Variants in CHST8 observed in about 807,000 individuals in gnomAD.
The protein encoded by CHST8 is carbohydrate sulfotransferase 8.
In CHST8, 10 loss-of-function variants were observed where a neutral mutation model predicts 15.0. That is an observed-to-expected ratio of 0.67 (90% CI 0.41 to 1.13). The LOEUF is 1.13. Ranked by LOEUF, CHST8 falls within the 50% of genes most tolerant of loss-of-function variation. The pLI is 0.00. For missense variants in CHST8, 634 were observed against 608.2 expected, an observed-to-expected ratio of 1.04 and a Z score of -0.45; for synonymous variants, 259 against 256.6, an observed-to-expected ratio of 1.01 and a Z score of -0.09.
intron 1 of CHST8, among the ~76,000 whole-genome samples, chr19:33,647,479 G>A (rs571461942): frequency 6.6e-6 from 1 of 152,334 alleles, no homozygotes; most frequent in East Asian, 1.9e-4. Context: ...GTATATGATA[G>A]AATGGGAAGA....
At chr19:33,701,824 C>T (rs1366464581) in intron 3 of CHST8, among the ~76,000 whole-genome samples, 1 of 152,186 alleles carries the variant, frequency 6.6e-6, no homozygotes, top group East Asian at 1.9e-4. Context: ...TTATCCTCAA[C>T]TGAAACTTAG....
intron 3 of CHST8, among the ~76,000 whole-genome samples, chr19:33,738,952 G>T (rs1974136530): frequency 6.6e-6 from 1 of 152,120 alleles, no homozygotes. Flanking sequence ...GATGGTGGGT[G>T]GGGAGGATAT....
intron 3 of CHST8, among the ~76,000 whole-genome samples, chr19:33,715,792 C>T (rs1973655193): frequency 6.6e-6 from 1 of 152,184 alleles, no homozygotes; most frequent in Non-Finnish European, 1.5e-5. Flanking sequence ...TCTGTTTATC[C>T]AGTAAGCAGT....
At chr19:33,716,361 T>C (rs918308929) in intron 3 of CHST8, among the ~76,000 whole-genome samples, 1 of 152,104 alleles carries the variant, frequency 6.6e-6, no homozygotes, top group African/African-American at 2.4e-5. Flanking sequence ...GCAATAAACA[T>C]GTGATTGATT....
chr19:33,681,067 C>T (rs1177565484), intron 2 of CHST8, among the ~76,000 whole-genome samples: 2 of 152,142 alleles, frequency 1.3e-5, no homozygotes, highest in Non-Finnish European at 2.9e-5. Flanking sequence ...CATTTCCTTC[C>T]CCACAAGGAT....
At chr19:33,734,615 G>A (rs748155920) in intron 3 of CHST8, among the ~76,000 whole-genome samples, 7 of 152,136 alleles carry the variant, frequency 4.6e-5, no homozygotes, top group African/African-American at 9.7e-5. Context: ...CCCTGCCATC[G>A]TTGTCCCAAC....
chr19:33,733,647 C>T (rs972252714), intron 3 of CHST8, among the ~76,000 whole-genome samples: 1 of 152,216 alleles, frequency 6.6e-6, no homozygotes, highest in Non-Finnish European at 1.5e-5. Flanking sequence ...GTTGTTCTTG[C>T]ATCTGTCAGT....
intron 3 of CHST8, among the ~76,000 whole-genome samples, chr19:33,765,861 G>A (rs1974830115): frequency 1.3e-5 from 2 of 152,082 alleles, no homozygotes; most frequent in East Asian, 1.9e-4. Context: ...CGCCCGGCCA[G>A]GAAGGCATTT....
rs117100135 is a variant in CHST8 at position 33,713,995 on chromosome 19, C to T, written c.130+24604C>T. Among the ~76,000 whole-genome samples, 984 of 152,268 alleles carry T rather than the reference C, an allele frequency of 6.5e-3. 5 individuals carry two copies. Among genetic ancestry groups the T allele is most frequent in the Non-Finnish European group, 9.2e-3 (624 of 68,026 alleles). The stretch of plus-strand genomic sequence containing the variant: ...ATCTACCTGCACCAGGAGGGGCAGG[C>T]GTTGCTTAGAACAACAGTTCTCAAC... On this transcript the variant is annotated intron_variant, in intron 3 of 4. Transcript: ENST00000650847.
chr19:33,729,922 G>C (rs1392955960), intron 3 of CHST8, among the ~76,000 whole-genome samples: 1 of 152,178 alleles, frequency 6.6e-6, no homozygotes, highest in Non-Finnish European at 1.5e-5. Flanking sequence ...AACTAGTTTT[G>C]CTGGAATTCA....
chr19:33,699,028 C>A (rs1035090914), intron 3 of CHST8, among the ~76,000 whole-genome samples: 4 of 152,186 alleles, frequency 2.6e-5, no homozygotes, highest in Admixed American at 2.6e-4. Flanking sequence ...AAACCAGTAT[C>A]CTGGAAGCTG....
chr19:33,658,861 G>A (rs991922976), intron 1 of CHST8, among the ~76,000 whole-genome samples: 12 of 151,930 alleles, frequency 7.9e-5, no homozygotes, highest in Admixed American at 7.2e-4. Flanking sequence ...AGATGAATGG[G>A]GTGCTTTTTA....
intron 2 of CHST8, among the ~76,000 whole-genome samples, chr19:33,672,465 C>T (rs184779763): frequency 1.1e-3 from 174 of 152,320 alleles, no homozygotes; most frequent in Middle Eastern, 0.01. Flanking sequence ...TCCCAAAGTG[C>T]TGGGATTACA....
At chr19:33,657,974 G>T (rs578003745) in intron 1 of CHST8, among the ~76,000 whole-genome samples, 1 of 152,172 alleles carries the variant, frequency 6.6e-6, no homozygotes, top group Non-Finnish European at 1.5e-5. Flanking sequence ...TGTACACTGA[G>T]CATTCTCTCT....
intron 1 of CHST8, among the ~76,000 whole-genome samples, chr19:33,634,339 A>G (rs1451062238): frequency 1.3e-5 from 2 of 152,122 alleles, no homozygotes; most frequent in African/African-American, 4.8e-5. Flanking sequence ...TTTTTTTACC[A>G]AGGATATTTT....
At chr19:33,707,332 G>A (rs780770394) in intron 3 of CHST8, among the ~76,000 whole-genome samples, 68 of 152,076 alleles carry the variant, frequency 4.5e-4, no homozygotes, top group Non-Finnish European at 7.5e-4. Flanking sequence ...GGGATTACAC[G>A]CATGAGCCAC....
At chr19:33,715,015 T>C (rs1217113326) in intron 3 of CHST8, among the ~76,000 whole-genome samples, 1 of 152,186 alleles carries the variant, frequency 6.6e-6, no homozygotes, top group African/African-American at 2.4e-5. Flanking sequence ...CCCAGCACCA[T>C]GGTGACTTGT....
At chr19:33,700,532 C>T (rs1470241792) in intron 3 of CHST8, among the ~76,000 whole-genome samples, 2 of 152,250 alleles carry the variant, frequency 1.3e-5, no homozygotes, top group Non-Finnish European at 2.9e-5. Context: ...GTTTTCAGTA[C>T]TCCTGGAGTG....
At chr19:33,644,768 G>T (rs1972328700) in intron 1 of CHST8, among the ~76,000 whole-genome samples, 1 of 152,094 alleles carries the variant, frequency 6.6e-6, no homozygotes, top group Non-Finnish European at 1.5e-5. Context: ...AATGAATTAT[G>T]TAGTGTTAGA....
Sources: allele counts gnomAD v4.1 joint callset (sites outside exome capture counted in the v4.1 genomes callset), GRCh38; gene constraint gnomAD v4.1.1; transcripts MANE v1.5; gene names NCBI Gene and HGNC (gene_info 2026-07-23, HGNC 2026-07-21).